ADRA1A: variants seen among roughly 807,000 people sequenced by gnomAD.
ADRA1A encodes the protein alpha-1A adrenergic receptor.
A neutral mutation model predicts 29.6 loss-of-function variants in ADRA1A; 31 were observed. The observed-to-expected ratio is 1.05, with a 90% CI of 0.79 to 1.41. The LOEUF (loss-of-function observed/expected upper bound fraction) is 1.41. Ranked by LOEUF, ADRA1A falls within the 40% of genes most tolerant of loss-of-function variation. The pLI is 0.00. For missense variants in ADRA1A, 619 were observed against 601.1 expected (o/e 1.03, Z -0.31); for synonymous variants, 311 against 254.3 (o/e 1.22, Z -2.12).
chr8:26,846,787 T>C lies in ADRA1A; in HGVS notation c.883+17300A>G, dbSNP rs555540100. The stretch of plus-strand genomic sequence containing the variant: ...ATCGTCTCAAAAAACGAAACAAAAA[T>C]TATTCACAATAGCAAAGACTTGGAA... On this transcript the variant is annotated intron_variant, in intron 2 of 2. Coordinates refer to ENST00000380573, the MANE Select transcript of ADRA1A (RefSeq NM_000680.4). 2.0e-5 allele frequency among the ~76,000 whole-genome samples: 3 copies of C among 152,130 alleles called. No homozygotes were observed. In the South Asian group the frequency reaches 6.2e-4, roughly 32 times the overall value.
At chr8:26,844,712 T>C (rs1812074573) in intron 2 of ADRA1A, among the ~76,000 whole-genome samples, 1 of 152,154 alleles carries the variant, frequency 6.6e-6, no homozygotes, top group Non-Finnish European at 1.5e-5. Context: ...TTACCTCCTA[T>C]CATGTATAAA....
At chr8:26,829,452 CAT>C (rs1810816367) in intron 2 of ADRA1A, among the ~76,000 whole-genome samples, 1 of 152,132 alleles carries the variant, frequency 6.6e-6, no homozygotes, top group South Asian at 2.1e-4. Flanking sequence ...CAATCCATCT[CAT>C]ATTTTTAATA....
In ADRA1A at chr8:26,787,797, T is replaced by G. The variant is rs1370363694; in HGVS notation, c.884-17131A>C. Reference sequence around the variant, plus strand: ...CACACGTAAGTTCAGTGTCTGGCTGTAAGCATTTGCTCATTTGCTATCCCA... The same window carrying G: ...CACACGTAAGTTCAGTGTCTGGCTGGAAGCATTTGCTCATTTGCTATCCCA... On this transcript the variant is annotated intron_variant, in intron 2 of 2. Transcript: ENST00000380573. The surrounding 1 kb of genome is among the most constrained non-coding windows in gnomAD (Gnocchi z 4.2). Among the ~76,000 whole-genome samples, 1 of 152,156 alleles carries G rather than the reference T, an allele frequency of 6.6e-6. No homozygotes were observed. Among genetic ancestry groups the G allele is most frequent in the Non-Finnish European group, 1.5e-5 (1 of 68,020 alleles).
In ADRA1A at chr8:26,866,361, G is replaced by A. The variant is rs571979650; in HGVS notation, c.-687+575C>T. Among the ~76,000 whole-genome samples, 1 of 152,332 alleles carries A rather than the reference G, an allele frequency of 6.6e-6. No individual in the cohort carries two copies. Among genetic ancestry groups the A allele is most frequent in the East Asian group, 1.9e-4 (1 of 5,166 alleles). ...GGGGCTCCAGCTGCCAGCCGTAGCG[G>A]GACTGGCGGGGGACGGGGTGGGGAG... On this transcript the variant is annotated intron_variant, in intron 1 of 2. Coordinates refer to ENST00000380573, the MANE Select transcript of ADRA1A (RefSeq NM_000680.4). The surrounding 1 kb of genome is among the most constrained non-coding windows in gnomAD (Gnocchi z 5.7).
chr8:26,854,858 C>T (rs1812905876), intron 2 of ADRA1A, among the ~76,000 whole-genome samples: 2 of 152,098 alleles, frequency 1.3e-5, no homozygotes, highest in Non-Finnish European at 1.5e-5. Context: ...AATCCTGGCC[C>T]CCAGTGTGAT....
chr8:26,864,600 G>C lies in ADRA1A; in HGVS notation c.370C>G (p.Arg124Gly), dbSNP rs747122943. 3.7e-6 allele frequency: 6 copies of C among 1,614,114 alleles called. No homozygotes were observed. The highest frequency in any genetic ancestry group is 1.6e-4 in the Middle Eastern group (1 of 6,062). ...IMGLCIISID[R>G]YIGVSYPLRY... ...AGCGGGTAGCTCACGCCGATGTAGC[G>C]GTCGATGGAGATGATGCAGAGGCCC... The change falls in exon 2 of 3, where the codon CGC becomes GGC. Residue 124 changes from arginine (R) to glycine (G), a missense_variant. Arg to Gly is a moderately radical substitution (Grantham distance 125). Coordinates refer to ENST00000380573, the MANE Select transcript of ADRA1A (RefSeq NM_000680.4). This position sits in a 1 kb window ranked among gnomAD's most constrained non-coding sequence, Gnocchi z 8.1.
chr8:26,760,915 T>C (rs1805475235), downstream of ADRA1A, among the ~76,000 whole-genome samples: 1 of 152,208 alleles, frequency 6.6e-6, no homozygotes, highest in Non-Finnish European at 1.5e-5. Flanking sequence ...TCTGGGTGGA[T>C]CTTCTGATGT....
At chr8:26,752,234 C>T (rs1159955443), downstream of ADRA1A, among the ~76,000 whole-genome samples, 2 of 152,104 alleles carry the variant, frequency 1.3e-5, no homozygotes, top group African/African-American at 4.8e-5. Context: ...GTGTGAGCCA[C>T]TTTTATTGGT....
intron 2 of ADRA1A, among the ~76,000 whole-genome samples, chr8:26,794,347 T>C (rs548264882): frequency 6.6e-6 from 1 of 152,188 alleles, no homozygotes; most frequent in South Asian, 2.1e-4. Flanking sequence ...GAAAGAAGCC[T>C]GCTATCTCTG....
intron 2 of ADRA1A, among the ~76,000 whole-genome samples, chr8:26,845,331 T>C (rs1236807342): frequency 6.6e-6 from 1 of 152,154 alleles, no homozygotes; most frequent in Admixed American, 6.5e-5. Flanking sequence ...AACATGCATA[T>C]GAAAAGACAC....
chr8:26,766,587 G>T (rs1439353031), downstream of ADRA1A, among the ~76,000 whole-genome samples: 2 of 152,166 alleles, frequency 1.3e-5, no homozygotes, highest in African/African-American at 4.8e-5. Context: ...ACATTAAAAA[G>T]TTTGGATATG....
intron 2 of ADRA1A, among the ~76,000 whole-genome samples, chr8:26,795,630 G>A (rs1433647909): frequency 1.3e-5 from 2 of 151,904 alleles, no homozygotes; most frequent in Non-Finnish European, 2.9e-5. Context: ...ACTATAATTA[G>A]CAATATTTTG....
chr8:26,865,005 A>T lies in ADRA1A; in HGVS notation c.-36T>A, dbSNP rs948615873. On this transcript the variant is annotated 5_prime_UTR_variant, in exon 2 of 3. Transcript: ENST00000380573. This position sits in a 1 kb window ranked among gnomAD's most constrained non-coding sequence, Gnocchi z 7.6. ...GGGGCCGGGCGAGGTCCGGCTGTCC[A>T]GGGCCACCTCCCGGGCTGGCGCGGA... The T allele has an allele frequency of 6.5e-7, 1 of 1,549,400 alleles. No individual in the cohort carries two copies. Among genetic ancestry groups the T allele is most frequent in the Non-Finnish European group, 8.7e-7 (1 of 1,154,408 alleles).
intron 2 of ADRA1A, among the ~76,000 whole-genome samples, chr8:26,809,446 G>A (rs1809233291): frequency 6.6e-6 from 1 of 152,116 alleles, no homozygotes; most frequent in African/African-American, 2.4e-5. Context: ...CAGCTCTCAT[G>A]AGCCTAGAAA....
At chr8:26,779,269 C>G (rs1213755285) in intron 2 of ADRA1A, 3 of 691,678 alleles carry the variant, frequency 4.3e-6, no homozygotes, top group Non-Finnish European at 7.9e-6. Flanking sequence ...TTTTTTGCCT[C>G]TTACATTCCA....
chr8:26,824,907 A>G lies in ADRA1A; in HGVS notation c.883+39180T>C, dbSNP rs190849928. 2.0e-5 allele frequency among the ~76,000 whole-genome samples: 3 copies of G among 152,314 alleles called. No individual in the cohort carries two copies. The East Asian group carries it at 5.8e-4, about 29-fold the overall frequency. On this transcript the variant is annotated intron_variant, in intron 2 of 2. Coordinates refer to ENST00000380573, the MANE Select transcript of ADRA1A (RefSeq NM_000680.4). Reference sequence around the variant, plus strand: ...GAAGAAAAGACAGCAAGACTCTCCAATGCATGAGTATGTCTGCCTCTTAAT... The same window carrying G: ...GAAGAAAAGACAGCAAGACTCTCCAGTGCATGAGTATGTCTGCCTCTTAAT...
chr8:26,753,579 T>C (rs1481167937), downstream of ADRA1A, among the ~76,000 whole-genome samples: 1 of 152,212 alleles, frequency 6.6e-6, no homozygotes, highest in Non-Finnish European at 1.5e-5. Context: ...TTTCCTACAT[T>C]TTCTATAATG....
intron 2 of ADRA1A, among the ~76,000 whole-genome samples, chr8:26,858,281 A>T (rs1256061385): frequency 1.3e-5 from 2 of 152,192 alleles, no homozygotes; most frequent in Non-Finnish European, 2.9e-5. Flanking sequence ...ACATATCCAG[A>T]ATTCAGACAC....
rs115803380 is a variant in ADRA1A at position 26,823,526 on chromosome 8, C to T, written c.883+40561G>A. Among the ~76,000 whole-genome samples, 1,121 of 152,294 alleles carry T rather than the reference C, an allele frequency of 7.4e-3. 14 individuals are homozygous for T. The highest frequency in any genetic ancestry group is 0.025 in the African/African-American group (1,026 of 41,562). ...AACTGAATTCTATGAAGAACAAAACCTTTCCTCCATCTTGGAAGTTGGGAC... is the reference window on the plus strand; with the variant it reads ...AACTGAATTCTATGAAGAACAAAACTTTTCCTCCATCTTGGAAGTTGGGAC... On this transcript the variant is annotated intron_variant, in intron 2 of 2. Coordinates refer to ENST00000380573, the MANE Select transcript of ADRA1A (RefSeq NM_000680.4). This position sits in a 1 kb window ranked among gnomAD's most constrained non-coding sequence, Gnocchi z 4.2.
Sources: gnomAD v4.1 joint callset for allele counts (sites outside exome capture counted in the v4.1 genomes callset) on GRCh38, gnomAD v4.1.1 for gene constraint, Gnocchi (gnomAD v3.1) non-coding constraint, MANE v1.5 for transcripts, NCBI Gene and HGNC (gene_info 2026-07-23, HGNC 2026-07-21) for gene names.